Variants in IL3RA observed in about 807,000 individuals in gnomAD.
The protein encoded by IL3RA is interleukin-3 receptor subunit alpha.
IL3RA carries 73 observed loss-of-function variants against 52.3 expected under a neutral mutation model. The observed-to-expected ratio is 1.40, with a 90% CI of 1.16 to 1.70. The LOEUF is 1.70. Ranked by LOEUF, IL3RA falls within the 40% of genes most tolerant of loss-of-function variation. IL3RA has a pLI of 0.00. For synonymous variants in IL3RA, 260 were observed against 194.0 expected (o/e 1.34, Z -2.83); for missense variants, 664 against 504.4 (o/e 1.32, Z -3.03).
intron 2 of IL3RA, among the ~76,000 whole-genome samples, chrX:1,343,881 C>T (rs187896728): frequency 6.7e-5 from 10 of 150,248 alleles, no homozygotes; most frequent in East Asian, 6.3e-4. Flanking sequence ...CCGCAACCTC[C>T]GCCTCCCGAG....
intron 8 of IL3RA, among the ~76,000 whole-genome samples, chrX:1,361,158 C>A (rs1161155202): frequency 8.1e-6 from 1 of 123,152 alleles, no homozygotes; most frequent in Non-Finnish European, 1.7e-5. Flanking sequence ...TCTCCCTTTC[C>A]TTCTCTGTCT....
intron 3 of IL3RA, among the ~76,000 whole-genome samples, chrX:1,345,780 GCGCA>G (rs1569520054): frequency 6.6e-6 from 1 of 151,726 alleles, no homozygotes; most frequent in Non-Finnish European, 1.5e-5. Context: ...GCGAGTCACC[GCGCA>G]TGGCCCAGAC....
chrX:1,343,888 C>T (rs1377027507), intron 2 of IL3RA, among the ~76,000 whole-genome samples: 8 of 150,440 alleles, frequency 5.3e-5, no homozygotes, highest in Non-Finnish European at 8.9e-5. Flanking sequence ...CTCCGCCTCC[C>T]GAGTTCCAGT....
chrX:1,348,882 T>C (rs2085944660), intron 4 of IL3RA, among the ~76,000 whole-genome samples: 1 of 57,126 alleles, frequency 1.8e-5, no homozygotes, highest in African/African-American at 1.3e-4. Context: ...TCCTTCCCTT[T>C]CGTTTTCTTT....
intron 2 of IL3RA, among the ~76,000 whole-genome samples, chrX:1,342,286 C>A (rs1391211418): frequency 6.6e-6 from 1 of 151,800 alleles, no homozygotes; most frequent in Non-Finnish European, 1.5e-5. Context: ...CTGCCTCAGC[C>A]TCCCGAGGAG....
chrX:1,365,218 A>T lies in IL3RA; in HGVS notation c.840A>T (p.Glu280Asp). The part of the protein sequence containing the change: ...VQIRARERVY[E>D]FLSAWSTPQR... Reference sequence around the variant, plus strand: ...TAAGAGCCCGGGAAAGAGTGTATGAATTCTTGAGCGCCTGGAGCACCCCCC... The same window carrying T: ...TAAGAGCCCGGGAAAGAGTGTATGATTTCTTGAGCGCCTGGAGCACCCCCC... Residue 280 changes from glutamate (E) to aspartate (D), a missense_variant, in exon 9 of 12, where the codon GAA becomes GAT. Transcript: ENST00000331035. 6.2e-7 allele frequency: 1 copy of T among 1,608,332 alleles called. No individual in the cohort carries two copies. Among genetic ancestry groups the T allele is most frequent in the Non-Finnish European group, 8.5e-7 (1 of 1,177,088 alleles).
intron 6 of IL3RA, among the ~76,000 whole-genome samples, chrX:1,353,297 CT>C (rs1224233364): frequency 2.7e-5 from 4 of 145,740 alleles, no homozygotes; most frequent in Non-Finnish European, 4.5e-5. Context: ...ATGGGACCCC[CT>C]ATCATGGATT....
intron 3 of IL3RA, among the ~76,000 whole-genome samples, 153 bp downstream of exon 3, chrX:1,345,587 C>T (rs753348370): frequency 8.0e-4 from 121 of 151,918 alleles, no homozygotes; most frequent in Middle Eastern, 3.4e-3. Flanking sequence ...CCTCCCAGGT[C>T]CATGCCATTC....
intron 2 of IL3RA, among the ~76,000 whole-genome samples, chrX:1,344,349 G>A (rs751066128): frequency 2.0e-5 from 3 of 151,996 alleles, no homozygotes; most frequent in South Asian, 4.1e-4. Context: ...CAGGATAATC[G>A]CTTGAACCCG....
chrX:1,342,570 T>C (rs1477535751), intron 2 of IL3RA, among the ~76,000 whole-genome samples: 7 of 149,404 alleles, frequency 4.7e-5, no homozygotes, highest in African/African-American at 1.7e-4. Flanking sequence ...TTTTTTTTTT[T>C]TTTTTTTGAC....
intron 4 of IL3RA, among the ~76,000 whole-genome samples, chrX:1,350,192 C>T (rs1235735574): frequency 1.3e-5 from 2 of 152,018 alleles, no homozygotes; most frequent in East Asian, 2.0e-4. Context: ...CAGTGGCTCA[C>T]GCCTGTAATC....
intron 8 of IL3RA, among the ~76,000 whole-genome samples, chrX:1,363,735 T>C (rs2087677442): frequency 6.6e-6 from 1 of 151,792 alleles, no homozygotes; most frequent in Non-Finnish European, 1.5e-5. Context: ...TGGTTTTTAA[T>C]TTCAGACAGG....
chrX:1,344,444 A>G (rs1220727169), intron 2 of IL3RA, among the ~76,000 whole-genome samples: 1 of 151,742 alleles, frequency 6.6e-6, no homozygotes, highest in African/African-American at 2.4e-5. Context: ...AAAACAAACA[A>G]GCAAACAAAA....
chrX:1,355,907 G>C (rs2086670532), intron 6 of IL3RA, among the ~76,000 whole-genome samples: 2 of 152,014 alleles, frequency 1.3e-5, no homozygotes, highest in South Asian at 4.1e-4. Context: ...ATGTGCAGCT[G>C]CCAGTCCTTG....
chrX:1,367,656 G>C (rs1299406301), intron 9 of IL3RA, among the ~76,000 whole-genome samples: 4 of 101,718 alleles, frequency 3.9e-5, no homozygotes, highest in Non-Finnish European at 5.8e-5. Context: ...CCGGGTGCGC[G>C]GGGTGAGCCG....
At chrX:1,356,479 A>C in intron 7 of IL3RA, 143 bp downstream of exon 7, 1 of 631,896 alleles carries the variant, frequency 1.6e-6, no homozygotes, top group Non-Finnish European at 2.8e-6. Context: ...AACAAAAACA[A>C]AAACAAAAGG....
At chrX:1,344,004 C>G (rs1275654331) in intron 2 of IL3RA, among the ~76,000 whole-genome samples, 1 of 151,894 alleles carries the variant, frequency 6.6e-6, no homozygotes, top group Non-Finnish European at 1.5e-5. Context: ...CCGTGTTAGC[C>G]AGGATGGTCT....
chrX:1,354,687 C>CAGAGAG (rs201483963), intron 6 of IL3RA, among the ~76,000 whole-genome samples: 1,074 of 46,908 alleles, frequency 0.023, 131 homozygotes, highest in African/African-American at 0.12. Context: ...GAGAAGAAAA[C>CAGAGAG]AGGAGGGGGA....
At chrX:1,359,374 GACAGCCGGACC>G (rs1844940203) in intron 8 of IL3RA, among the ~76,000 whole-genome samples, 1 of 152,100 alleles carries the variant, frequency 6.6e-6, no homozygotes, top group Non-Finnish European at 1.5e-5. Context: ...TGCAGGAACA[GACAGCCGGACC>G]ACAGCATTCT....
Sources: allele counts gnomAD v4.1 joint callset (sites outside exome capture counted in the v4.1 genomes callset), GRCh38; gene constraint gnomAD v4.1.1; transcripts MANE v1.5; gene names NCBI Gene and HGNC (gene_info 2026-07-23, HGNC 2026-07-21).